PJA2: variants seen among roughly 807,000 people sequenced by gnomAD.
PJA2 encodes the protein praja ring finger ubiquitin ligase 2, also known as E3 ubiquitin-protein ligase Praja-2.
Under a neutral mutation model 69.3 loss-of-function variants are expected in PJA2, and 25 were observed. The observed-to-expected ratio is 0.36, with a 90% confidence interval of 0.26 to 0.50. PJA2 has a LOEUF of 0.50. Ranked by LOEUF, PJA2 falls within the 20% of genes least tolerant of loss-of-function variation. The pLI is 0.96. For synonymous variants in PJA2, 308 were observed against 277.8 expected (o/e 1.11, Z -1.08); for missense variants, 809 against 830.2 (o/e 0.97, Z 0.31).
chr5:109,372,923 A>AAAAAAAGAAAGAAAG (rs1272538036), intron 4 of PJA2, among the ~76,000 whole-genome samples: 3 of 136,788 alleles, frequency 2.2e-5, no homozygotes, highest in African/African-American at 8.3e-5. Flanking sequence ...AAAAAAAAAA[A>AAAAAAAGAAAGAAAG]AAAGAAAGAA....
chr5:109,395,100 T>A (rs1227649404), intron 1 of PJA2, among the ~76,000 whole-genome samples: 1 of 152,202 alleles, frequency 6.6e-6, no homozygotes, highest in African/African-American at 2.4e-5. Context: ...TTCCTCCCAG[T>A]TGAAAGTCAC....
chr5:109,369,178 ATAAAT>A (rs1314334292), intron 4 of PJA2, among the ~76,000 whole-genome samples: 2 of 152,098 alleles, frequency 1.3e-5, no homozygotes, highest in Non-Finnish European at 2.9e-5. Context: ...TCTTTTCTTT[ATAAAT>A]TACCCAGTCT....
intron 7 of PJA2, among the ~76,000 whole-genome samples, chr5:109,355,489 G>C (rs751634701): frequency 6.6e-6 from 1 of 152,166 alleles, no homozygotes; most frequent in African/African-American, 2.4e-5. Flanking sequence ...GCTGGGATAA[G>C]GAGGAGCAAA....
At chr5:109,383,299 T>G (rs1249774314) in intron 2 of PJA2, 104 bp downstream of exon 2, 8 of 963,430 alleles carry the variant, frequency 8.3e-6, no homozygotes, top group Non-Finnish European at 1.3e-5. Context: ...ACCAGCCTTT[T>G]AGTAAGACCA....
chr5:109,355,949 A>G lies in PJA2; in HGVS notation c.1730T>C (p.Met577Thr). 8 of 1,613,928 alleles carry G rather than the reference A, an allele frequency of 5.0e-6. No individual in the cohort carries two copies. Among genetic ancestry groups the G allele is most frequent in the Non-Finnish European group, 6.8e-6 (8 of 1,179,874 alleles). ...SYVDPQFLTY[M>T]ALEERLAQAM... ...CTGGGCTAAGCGTTCTTCTAGTGCC[A>G]TGTAGGTAAGGAACTGAGGATCCAC... Residue 577 changes from methionine (M) to threonine (T), a missense_variant, in exon 7 of 10, where the codon ATG becomes ACG. Met to Thr is a moderately conservative substitution (Grantham distance 81). This residue lies in a region of PJA2 where 55 missense variants were observed against 90.7 expected (regional missense o/e 0.61). Coordinates refer to ENST00000361189, the MANE Select transcript of PJA2 (RefSeq NM_014819.5).
At chr5:109,350,852 G>A (rs957178948) in intron 7 of PJA2, among the ~76,000 whole-genome samples, 1 of 152,130 alleles carries the variant, frequency 6.6e-6, no homozygotes, top group African/African-American at 2.4e-5. Context: ...CAAGGGGCCC[G>A]TGGGTATGGA....
In PJA2 at chr5:109,397,486, TCTC is replaced by T. The variant is rs938612901; in HGVS notation, c.-88+12353_-88+12355del. 5.3e-5 allele frequency among the ~76,000 whole-genome samples: 8 copies of T among 151,446 alleles called. No homozygotes were observed. The South Asian group carries it at 1.0e-3, about 20-fold the overall frequency. On this transcript the variant is annotated intron_variant, in intron 1 of 9. Coordinates refer to ENST00000361189, the MANE Select transcript of PJA2 (RefSeq NM_014819.5). ...ATGAATGAAACCCTTCCTCAACACT[TCTC>T]CTAGTAGAAAAAAAAAAAGCAACAA...
chr5:109,409,126 T>C (rs1400998898), intron 1 of PJA2: 2 of 152,172 alleles, frequency 1.3e-5, no homozygotes. Flanking sequence ...CCATTTTGAA[T>C]GTGCGCAAAA....
chr5:109,341,614 C>T (rs1430892180), intron 9 of PJA2, among the ~76,000 whole-genome samples: 18 of 114,200 alleles, frequency 1.6e-4, no homozygotes, highest in East Asian at 5.3e-4. Context: ...GGGTCAGCCC[C>T]CCGCCTGGCC....
intron 4 of PJA2, 45 bp downstream of exon 4, chr5:109,378,159 C>G: frequency 7.1e-7 from 1 of 1,405,866 alleles, no homozygotes; most frequent in South Asian, 1.3e-5. Flanking sequence ...AAAGAAACCA[C>G]TTCATTTACT....
At position 109,353,547 on chromosome 5, in the gene PJA2, CTATATATTAGATATCTATA is replaced by C. The variant is rs1211337987; in HGVS notation, c.1764+2349_1764+2367del. Among the ~76,000 whole-genome samples, 4 of 113,142 alleles carry C rather than the reference CTATATATTAGATATCTATA, an allele frequency of 3.5e-5. No homozygotes were observed. In the East Asian group the frequency reaches 1.0e-3, roughly 29 times the overall value. The allele number at this position is 113,142 out of a possible 152,430, so 74.2% of individuals were successfully genotyped here. On this transcript the variant is annotated intron_variant, in intron 7 of 9. Transcript: ENST00000361189. ...TAGATATCTATAATATCATAGATATCTATATATTAGATATCTATAATATCATAGACATCTATATATTAGA... is the reference window on the plus strand; with the variant it reads ...TAGATATCTATAATATCATAGATATCATATCATAGACATCTATATATTAGA...
chr5:109,337,362 GAA>G lies in PJA2; in HGVS notation c.2002-8_2002-7del. 7.0e-7 allele frequency: 1 copy of G among 1,431,804 alleles called. No individual in the cohort carries two copies. Among genetic ancestry groups the G allele is most frequent in the Non-Finnish European group, 9.4e-7 (1 of 1,064,470 alleles). The allele number at this position is 1,431,804 out of a possible 1,614,324, so 88.7% of individuals were successfully genotyped here. A position where few individuals can be genotyped will look rare whatever the true frequency, so the allele number is the denominator to read the frequency against. ...CACACAGGGCATGTTCCCGACTGGA[GAA>G]AAAAAAAATGTTAAGAGCCACCAGA... On this transcript the variant is annotated splice_region_variant and splice_polypyrimidine_tract_variant and intron_variant, in intron 9 of 9. Coordinates refer to ENST00000361189, the MANE Select transcript of PJA2 (RefSeq NM_014819.5).
At chr5:109,342,496 G>A (rs1348318133) in intron 9 of PJA2, among the ~76,000 whole-genome samples, 1 of 131,292 alleles carries the variant, frequency 7.6e-6, no homozygotes, top group Non-Finnish European at 1.6e-5. Flanking sequence ...CCCCCGCCCG[G>A]CCAGCCACCC....
At chr5:109,352,906 T>A (rs1295009854) in intron 7 of PJA2, among the ~76,000 whole-genome samples, 10 of 148,886 alleles carry the variant, frequency 6.7e-5, no homozygotes, top group Non-Finnish European at 8.9e-5. Context: ...CATCTATATA[T>A]TAGATACCTA....
chr5:109,390,311 A>T (rs1747253082), intron 1 of PJA2, among the ~76,000 whole-genome samples: 1 of 151,950 alleles, frequency 6.6e-6, no homozygotes, highest in African/African-American at 2.4e-5. Context: ...CTTCTTGATA[A>T]ATTGGCCCAC....
chr5:109,347,179 G>C (rs1379246780), intron 7 of PJA2, among the ~76,000 whole-genome samples: 1 of 152,226 alleles, frequency 6.6e-6, no homozygotes, highest in South Asian at 2.1e-4. Flanking sequence ...ACTGCAAAAA[G>C]AAAGAAACAC....
intron 1 of PJA2, among the ~76,000 whole-genome samples, chr5:109,392,740 T>C (rs144153627): frequency 1.1e-4 from 16 of 152,306 alleles, no homozygotes; most frequent in African/African-American, 3.1e-4. Context: ...CTTATGACAA[T>C]GCTACATTAC....
intron 1 of PJA2, among the ~76,000 whole-genome samples, chr5:109,408,825 T>C (rs1447260648): frequency 1.3e-5 from 2 of 152,270 alleles, no homozygotes; most frequent in African/African-American, 4.8e-5. Flanking sequence ...ATTACTGTTA[T>C]CCTCAGGTTT....
chr5:109,389,450 A>C (rs931610150), intron 1 of PJA2, among the ~76,000 whole-genome samples: 2 of 152,088 alleles, frequency 1.3e-5, no homozygotes, highest in African/African-American at 4.8e-5. Context: ...ATTCCCTTTC[A>C]TTAACAATTT....
Sources: gnomAD v4.1 joint callset for allele counts (sites outside exome capture counted in the v4.1 genomes callset) on GRCh38, gnomAD v4.1.1 for gene constraint, gnomAD v4.1.1 regional missense constraint, MANE v1.5 for transcripts, NCBI Gene and HGNC (gene_info 2026-07-23, HGNC 2026-07-21) for gene names.